Variants in CR1 observed in about 807,000 individuals in gnomAD.
CR1 encodes complement C3b/C4b receptor 1 (Knops blood group).
Under a neutral mutation model 187.3 loss-of-function variants are expected in CR1, and 116 were observed. That is an observed-to-expected ratio of 0.62 (90% CI 0.53 to 0.72). CR1 has a LOEUF of 0.72. Among genes scored for constraint, CR1 ranks in the 30% least tolerant of loss-of-function variants. The probability of loss-of-function intolerance (pLI) is 0.00; values close to 1 mark genes in which losing one functional copy is unlikely to be tolerated. For missense variants in CR1, 1,731 were observed against 2,110.7 expected (o/e 0.82, Z 3.52); for synonymous variants, 576 against 747.1 (o/e 0.77, Z 3.73).
At chr1:207,573,383 T>A (rs1180613403) in intron 27 of CR1, among the ~76,000 whole-genome samples, 1 of 152,208 alleles carries the variant, frequency 6.6e-6, no homozygotes, top group South Asian at 2.1e-4. Context: ...TGTCTCCTTT[T>A]CTCTCTTTTT....
chr1:207,522,195 G>A (rs867150531), intron 4 of CR1, among the ~76,000 whole-genome samples: 5 of 152,096 alleles, frequency 3.3e-5, no homozygotes, highest in African/African-American at 1.2e-4. Context: ...TGGAATTTTT[G>A]TCATTGTTTC....
intron 32 of CR1, 32 bp from the exon 33 acceptor site, chr1:207,584,617 T>A (rs759241705): frequency 3.7e-5 from 60 of 1,604,004 alleles, no homozygotes; most frequent in Non-Finnish European, 4.9e-5. Context: ...TAAAATTTTT[T>A]ATGGAATTGA....
At chr1:207,574,321 A>ATAAG (rs1660668391) in intron 27 of CR1, among the ~76,000 whole-genome samples, 1 of 152,208 alleles carries the variant, frequency 6.6e-6, no homozygotes, top group African/African-American at 2.4e-5. Context: ...CGCAAAAGAA[A>ATAAG]TAAGTTTATT....
In CR1 at chr1:207,606,069, A is replaced by C. The variant is rs372560592; in HGVS notation, c.5811-1182A>C. 22 of 152,378 alleles carry C rather than the reference A, an allele frequency of 1.4e-4. No homozygotes were observed. In the East Asian group the frequency reaches 3.5e-3, roughly 24 times the overall value. 9.4% of individuals were successfully genotyped at this position (152,378 alleles called of 1,614,324 possible). On this transcript the variant is annotated intron_variant, in intron 35 of 46. Coordinates refer to ENST00000367049, the MANE Select transcript of CR1 (RefSeq NM_000651.6). ...GTCTCAGGTTAAAAATCACGAAAGT[A>C]GGCAGTCCAGGGTTTATACGATGAC... is the stretch of plus-strand genomic sequence containing the variant.
intron 2 of CR1, 143 bp from the exon 3 acceptor site, chr1:207,506,571 G>C (rs549998292): frequency 1.4e-6 from 1 of 694,960 alleles, no homozygotes; most frequent in South Asian, 1.9e-5. Context: ...AGTCTGGTGA[G>C]TTTCCTCAAG....
intron 5 of CR1, among the ~76,000 whole-genome samples, chr1:207,524,252 A>G (rs1351983022): frequency 3.3e-5 from 5 of 152,160 alleles, no homozygotes; most frequent in Non-Finnish European, 7.3e-5. Flanking sequence ...CAGATCTATC[A>G]ATTACCTTTG....
chr1:207,601,426 T>C (rs1661601482), intron 35 of CR1, among the ~76,000 whole-genome samples: 2 of 152,168 alleles, frequency 1.3e-5, no homozygotes, highest in African/African-American at 4.8e-5. Context: ...TTCTTTTAGG[T>C]ATATACCCAG....
chr1:207,503,620 A>C (rs1659341100), intron 1 of CR1, among the ~76,000 whole-genome samples: 1 of 152,106 alleles, frequency 6.6e-6, no homozygotes, highest in African/African-American at 2.4e-5. Flanking sequence ...CCTCCCTTTT[A>C]TAAGGACCCT....
intron 33 of CR1, among the ~76,000 whole-genome samples, chr1:207,587,177 G>C (rs1661135105): frequency 6.6e-6 from 1 of 152,206 alleles, no homozygotes. Flanking sequence ...AGAAAGCTGA[G>C]TGGTCTTCCA....
intron 23 of CR1, among the ~76,000 whole-genome samples, chr1:207,564,854 C>G (rs1314437942): frequency 6.7e-6 from 1 of 149,838 alleles, no homozygotes; most frequent in Non-Finnish European, 1.5e-5. Context: ...TTAGAGAGTC[C>G]CAGGAAAAAT....
intron 27 of CR1, among the ~76,000 whole-genome samples, chr1:207,573,624 T>A (rs1198313896): frequency 6.6e-6 from 1 of 151,984 alleles, no homozygotes; most frequent in African/African-American, 2.4e-5. Flanking sequence ...CTCCTTTTCA[T>A]ATTTGTAACA....
chr1:207,566,001 G>A, intron 24 of CR1, 78 bp downstream of exon 24: 2 of 1,547,766 alleles, frequency 1.3e-6, no homozygotes, highest in East Asian at 2.2e-5. Flanking sequence ...CTCCCTCAAT[G>A]TGATTCTTCA....
chr1:207,566,403 T>C (rs1242208258), intron 24 of CR1, among the ~76,000 whole-genome samples: 1 of 150,198 alleles, frequency 6.7e-6, no homozygotes, highest in African/African-American at 2.5e-5. Context: ...AACATGGCTT[T>C]ATTTAATCAA....
rs1659134970 is a variant in CR1 at position 207,497,732 on chromosome 1, T to C, written c.121+1344T>C. 2.0e-5 allele frequency among the ~76,000 whole-genome samples: 3 copies of C among 152,324 alleles called. No homozygotes were observed. In the South Asian group the frequency reaches 6.2e-4, roughly 32 times the overall value. On this transcript the variant is annotated intron_variant, in intron 1 of 46. Transcript: ENST00000367049. ...TACTGGCCCTCTTCTTACTAGAATGTTGTTTTACTTAGCCTATGTTGATTA... is the reference window on the plus strand; with the variant it reads ...TACTGGCCCTCTTCTTACTAGAATGCTGTTTTACTTAGCCTATGTTGATTA...
At chr1:207,578,523 A>T (rs955763886) in intron 29 of CR1, among the ~76,000 whole-genome samples, 3 of 152,226 alleles carry the variant, frequency 2.0e-5, no homozygotes, top group African/African-American at 7.2e-5. Context: ...ATGATCAGCT[A>T]TGTGCTAAGC....
chr1:207,618,508 T>C (rs11578101), intron 42 of CR1, among the ~76,000 whole-genome samples: 3,226 of 152,350 alleles, frequency 0.021, 64 homozygotes, highest in Non-Finnish European at 0.029. Context: ...CCATGGCCTC[T>C]GATTCTGTTT....
At chr1:207,520,950 ATT>A (rs770864560) in intron 4 of CR1, among the ~76,000 whole-genome samples, 2 of 64,926 alleles carry the variant, frequency 3.1e-5, no homozygotes, top group Admixed American at 1.6e-4. Context: ...GGGTTTGCAC[ATT>A]TTTTTTTTTT....
At chr1:207,517,906 G>T (rs183592956) in intron 4 of CR1, among the ~76,000 whole-genome samples, 1 of 151,806 alleles carries the variant, frequency 6.6e-6, no homozygotes, top group Non-Finnish European at 1.5e-5. Flanking sequence ...TAGTTTTACC[G>T]GGGCTTTATC....
chr1:207,630,267 T>C (rs1443919038), intron 45 of CR1, among the ~76,000 whole-genome samples: 1 of 152,228 alleles, frequency 6.6e-6, no homozygotes, highest in Non-Finnish European at 1.5e-5. Flanking sequence ...CATGGACATC[T>C]GCCTATAAAC....
Sources: allele counts gnomAD v4.1 joint callset (sites outside exome capture counted in the v4.1 genomes callset), GRCh38; gene constraint gnomAD v4.1.1; transcripts MANE v1.5; gene names NCBI Gene and HGNC (gene_info 2026-07-23, HGNC 2026-07-21).